Variants in NALCN observed in about 807,000 individuals in gnomAD.
NALCN encodes the protein sodium leak channel, non-selective.
Under a neutral mutation model 225.3 loss-of-function variants are expected in NALCN, and 111 were observed. The ratio of observed to expected loss-of-function variants is 0.49; its 90% CI spans 0.42 to 0.58. The LOEUF (loss-of-function observed/expected upper bound fraction) is 0.58, where lower values mean the gene tolerates loss of function less well. Ranked by LOEUF, NALCN falls within the 20% of genes least tolerant of loss-of-function variation. NALCN has a pLI of 0.00. For missense variants in NALCN, 1,378 were observed against 2,202.4 expected (o/e 0.63, Z 7.49); for synonymous variants, 764 against 769.0 (o/e 0.99, Z 0.11).
chr13:101,144,952 C>G, intron 15 of NALCN, 56 bp from the exon 16 acceptor site: 1 of 1,509,046 alleles, frequency 6.6e-7, no homozygotes, highest in Non-Finnish European at 8.8e-7. Context: ...CTATTATATA[C>G]GTTACACAAA....
chr13:101,232,437 A>ATTCTT (rs775195016), intron 12 of NALCN, among the ~76,000 whole-genome samples: 23 of 147,676 alleles, frequency 1.6e-4, no homozygotes, highest in African/African-American at 5.4e-4. Flanking sequence ...TCCTGCTGTA[A>ATTCTT]TTCTTTTCTT....
chr13:101,110,626 G>A lies in NALCN; in HGVS notation c.2357C>T (p.Thr786Ile). 6.2e-7 allele frequency: 1 copy of A among 1,613,918 alleles called. No individual in the cohort carries two copies. Among genetic ancestry groups the A allele is most frequent in the Non-Finnish European group, 8.5e-7 (1 of 1,179,906 alleles). The change falls in exon 20 of 44, where the codon ACT (threonine) becomes ATT (isoleucine). Residue 786 changes from threonine (T) to isoleucine (I), a missense_variant. By Grantham distance (89) the Thr-to-Ile change is moderately conservative (BLOSUM62 -1). This residue lies in a region of NALCN where 66 missense variants were observed against 85.7 expected (regional missense o/e 0.77). Coordinates refer to ENST00000251127, the MANE Select transcript of NALCN (RefSeq NM_052867.4). ...GCATTGCTTAAAACTTACATCTTGA[G>A]TCAAAGTTTCAAGAGATTTTCCCCT... ...ISRGKSLETL[T>I]QDHSNTVRYR...
At chr13:101,198,102 C>G (rs1470364149) in intron 13 of NALCN, among the ~76,000 whole-genome samples, 1 of 152,014 alleles carries the variant, frequency 6.6e-6, no homozygotes, top group Non-Finnish European at 1.5e-5. Context: ...GGTGAAAGCA[C>G]AACAGGAATG....
intron 27 of NALCN, among the ~76,000 whole-genome samples, chr13:101,097,283 T>C (rs972781568): frequency 3.3e-5 from 5 of 152,192 alleles, no homozygotes; most frequent in African/African-American, 1.2e-4. Context: ...TTTTCCTATA[T>C]GTATCTGAGC....
intron 2 of NALCN, among the ~76,000 whole-genome samples, chr13:101,397,065 A>ATTAT (rs2047314561): frequency 2.9e-5 from 2 of 68,574 alleles, no homozygotes; most frequent in South Asian, 5.1e-4. Context: ...CTATGAATGT[A>ATTAT]TTATATATAT....
chr13:101,179,979 G>T (rs2039126413), intron 14 of NALCN, among the ~76,000 whole-genome samples: 1 of 151,990 alleles, frequency 6.6e-6, no homozygotes, highest in African/African-American at 2.4e-5. Context: ...CAGTCACAAG[G>T]CTTTCTCTCT....
At chr13:101,295,128 T>C (rs1594622104) in intron 7 of NALCN, among the ~76,000 whole-genome samples, 1 of 152,140 alleles carries the variant, frequency 6.6e-6, no homozygotes, top group African/African-American at 2.4e-5. Context: ...TTCTTAAAAG[T>C]TGACTTTTAA....
rs76856496 is a variant in NALCN at position 101,345,103 on chromosome 13, G to A, written c.799+163C>T. On this transcript the variant is annotated intron_variant, in intron 7 of 43. Transcript: ENST00000251127. Reference sequence around the variant, plus strand: ...CACAGCTTGTATGCTACGCACTGTCGGGTAGAATATATTATAAAATAGGCA... The same window carrying A: ...CACAGCTTGTATGCTACGCACTGTCAGGTAGAATATATTATAAAATAGGCA... 0.02 allele frequency among the ~76,000 whole-genome samples: 3,075 copies of A among 152,156 alleles called. 111 individuals are homozygous for A. The highest frequency in any genetic ancestry group is 0.07 in the African/African-American group (2,921 of 41,508).
chr13:101,362,398 A>T (rs965861060), intron 6 of NALCN, among the ~76,000 whole-genome samples: 22 of 152,096 alleles, frequency 1.4e-4, no homozygotes, highest in African/African-American at 5.1e-4. Context: ...CCATCTGGAC[A>T]TATTATTTAA....
At chr13:101,319,186 T>C (rs188217261) in intron 7 of NALCN, among the ~76,000 whole-genome samples, 2 of 152,186 alleles carry the variant, frequency 1.3e-5, no homozygotes, top group Non-Finnish European at 2.9e-5. Context: ...CAGCCAGATA[T>C]AGAAAGTGCT....
chr13:101,130,454 G>A (rs1384999391), intron 17 of NALCN, among the ~76,000 whole-genome samples: 3 of 152,116 alleles, frequency 2.0e-5, no homozygotes, highest in Non-Finnish European at 4.4e-5. Context: ...TATGCCAAAT[G>A]GTTTAAGAGT....
chr13:101,326,331 CTGAA>C (rs1357477158), intron 7 of NALCN, among the ~76,000 whole-genome samples: 1 of 152,106 alleles, frequency 6.6e-6, no homozygotes, highest in Non-Finnish European at 1.5e-5. Context: ...TAAATATTTG[CTGAA>C]TGAATGAATG....
intron 7 of NALCN, among the ~76,000 whole-genome samples, chr13:101,337,391 C>T (rs538962920): frequency 6.6e-6 from 1 of 152,068 alleles, no homozygotes; most frequent in African/African-American, 2.4e-5. Context: ...TTACTGTAAC[C>T]TCTGCCTCCC....
At chr13:101,255,446 C>T (rs981622772) in intron 11 of NALCN, among the ~76,000 whole-genome samples, 1 of 114,436 alleles carries the variant, frequency 8.7e-6, no homozygotes, top group East Asian at 3.1e-4. Context: ...TGACCACCTG[C>T]CCACCCTGTG....
chr13:101,321,308 C>T (rs896861264), intron 7 of NALCN, among the ~76,000 whole-genome samples: 3 of 151,712 alleles, frequency 2.0e-5, no homozygotes, highest in Non-Finnish European at 4.4e-5. Context: ...ACCAGCAATT[C>T]GTAGAAGAAA....
chr13:101,403,538 CTT>C (rs1333815938), intron 1 of NALCN, among the ~76,000 whole-genome samples: 1 of 152,158 alleles, frequency 6.6e-6, no homozygotes, highest in African/African-American at 2.4e-5. Flanking sequence ...AACTGAAAAA[CTT>C]AATATTTGGG....
Position 101,082,838 on chromosome 13 carries a change from C to T in NALCN, c.3736G>A (p.Val1246Ile). 1 of 1,614,158 alleles carries T rather than the reference C, an allele frequency of 6.2e-7. No homozygotes were observed. The highest frequency in any genetic ancestry group is 2.2e-5 in the East Asian group (1 of 44,884). ...AGAACAAAGATGAAGGTGAAAACAA[C>T]TGACATTGTTGCCAAAGGTACGGTC... The part of the protein sequence containing the change: ...PVTVPLATMS[V>I]VFTFIFVLEV... Residue 1246 changes from valine (V) to isoleucine (I), a missense_variant, in exon 33 of 44, where the codon GTT becomes ATT. Physicochemically the swap from Val to Ile is conservative, Grantham distance 29. Coordinates refer to ENST00000251127, the MANE Select transcript of NALCN (RefSeq NM_052867.4).
At chr13:101,150,103 A>G (rs1428934131) in intron 15 of NALCN, among the ~76,000 whole-genome samples, 1 of 152,116 alleles carries the variant, frequency 6.6e-6, no homozygotes, top group Admixed American at 6.5e-5. Flanking sequence ...TGTGGATTTC[A>G]CAACATAACA....
chr13:101,068,066 C>A (rs757177155), intron 38 of NALCN, 33 bp from the exon 39 acceptor site: 2 of 1,260,362 alleles, frequency 1.6e-6, no homozygotes, highest in South Asian at 1.3e-5. Flanking sequence ...GAAGTTAGAC[C>A]ATTATGCTAA....
Sources: allele counts gnomAD v4.1 joint callset (sites outside exome capture counted in the v4.1 genomes callset), GRCh38; gene constraint gnomAD v4.1.1; regional missense constraint gnomAD v4.1.1; transcripts MANE v1.5; gene names NCBI Gene and HGNC (gene_info 2026-07-23, HGNC 2026-07-21).